Variants in GBP7 observed in about 807,000 individuals in gnomAD.
GBP7 encodes guanylate binding protein 7, also known as guanylate-binding protein 7.
GBP7 carries 43 observed loss-of-function variants against 61.3 expected under a neutral mutation model. The ratio of observed to expected loss-of-function variants is 0.70; its 90% CI spans 0.55 to 0.91. GBP7 has a LOEUF of 0.91. Ranked by LOEUF, GBP7 falls within the 40% of genes least tolerant of loss-of-function variation. GBP7 has a pLI of 0.00. For synonymous variants in GBP7, 267 were observed against 271.0 expected (o/e 0.99, Z 0.14); for missense variants, 717 against 740.5 (o/e 0.97, Z 0.37).
At chr1:89,158,616 T>C (rs1269139246) in intron 3 of GBP7, among the ~76,000 whole-genome samples, 1 of 150,886 alleles carries the variant, frequency 6.6e-6, no homozygotes, top group Non-Finnish European at 1.5e-5. Context: ...CACAATTGCT[T>C]CAAAGAGAAT....
chr1:89,172,057 C>A (rs986941215), intron 1 of GBP7, 103 bp from the exon 2 acceptor site: 2 of 818,086 alleles, frequency 2.4e-6, no homozygotes, highest in East Asian at 5.2e-5. Flanking sequence ...AACATTGTTT[C>A]TTGTGCATTT....
At chr1:89,155,734 G>A (rs182668766) in intron 3 of GBP7, among the ~76,000 whole-genome samples, 23 of 152,312 alleles carry the variant, frequency 1.5e-4, no homozygotes, top group African/African-American at 5.5e-4. Context: ...TGTCTGACTG[G>A]TGTACCTGAA....
chr1:89,157,115 A>G (rs1682335539), intron 3 of GBP7, among the ~76,000 whole-genome samples: 1 of 152,248 alleles, frequency 6.6e-6, no homozygotes, highest in Non-Finnish European at 1.5e-5. Context: ...CTGGGTACAT[A>G]ACATAATGAA....
chr1:89,168,974 T>TAAAAAAA (rs374172595), intron 2 of GBP7, among the ~76,000 whole-genome samples: 1 of 68,396 alleles, frequency 1.5e-5, no homozygotes, highest in Admixed American at 1.3e-4. Flanking sequence ...CGCCTCAAGT[T>TAAAAAAA]AAAAAAAAAA....
At chr1:89,163,318 G>C (rs949219949) in intron 3 of GBP7, among the ~76,000 whole-genome samples, 4 of 152,014 alleles carry the variant, frequency 2.6e-5, no homozygotes, top group Middle Eastern at 3.4e-3. Context: ...CAATTTTTTG[G>C]AATATTTTCA....
At chr1:89,170,555 C>T (rs1184019145) in intron 2 of GBP7, among the ~76,000 whole-genome samples, 1 of 152,130 alleles carries the variant, frequency 6.6e-6, no homozygotes, top group Non-Finnish European at 1.5e-5. Flanking sequence ...ACCAAACCAA[C>T]CAAATCAAGT....
rs1682097454 is a variant in GBP7, at chr1:89,147,572, C to G, written c.1360G>C (p.Val454Leu). 1.2e-6 allele frequency: 2 copies of G among 1,612,844 alleles called. No individual in the cohort carries two copies. The highest frequency in any genetic ancestry group is 2.7e-5 in the African/African-American group (2 of 74,908). The change falls in exon 8 of 11, where the codon GTT (valine) becomes CTT (leucine). Residue 454 changes from valine (V) to leucine (L), a missense_variant. Val to Leu is a conservative substitution (Grantham distance 32). Coordinates refer to ENST00000294671, the MANE Select transcript of GBP7 (RefSeq NM_207398.3). ...QDYTLVPRKG[V>L]KADEVLQSFL... ...CTTCTCCCCTTATTCCTCACCTTAA[C>G]TCCTTTTCTGGGCACTAGTGTATAG...
intron 3 of GBP7, among the ~76,000 whole-genome samples, chr1:89,153,104 G>T (rs935457178): frequency 9.2e-5 from 14 of 152,174 alleles, no homozygotes; most frequent in Non-Finnish European, 7.3e-5. Context: ...GAGCATCTTG[G>T]TATGAAGTCT....
At chr1:89,135,884 A>G (rs1681789270) in intron 9 of GBP7, among the ~76,000 whole-genome samples, 2 of 152,314 alleles carry the variant, frequency 1.3e-5, no homozygotes, top group South Asian at 4.1e-4. Context: ...GCATAAAGAA[A>G]TAAGACCCAA....
At chr1:89,146,549 A>T (rs1682068203) in intron 8 of GBP7, among the ~76,000 whole-genome samples, 1 of 152,214 alleles carries the variant, frequency 6.6e-6, no homozygotes, top group Non-Finnish European at 1.5e-5. Flanking sequence ...AATATCCAAA[A>T]TATATAATGA....
chr1:89,149,857 A>G (rs1035706877), intron 6 of GBP7, among the ~76,000 whole-genome samples: 1 of 131,316 alleles, frequency 7.6e-6, no homozygotes. Context: ...GGGTTTCTTG[A>G]AAAAAAAAAA....
chr1:89,132,032 G>T lies in GBP7; in HGVS notation c.*117C>A, dbSNP rs1681688562. On this transcript the variant is annotated 3_prime_UTR_variant, in exon 11 of 11. Transcript: ENST00000294671. ...TTAAGTTTGTTTTTATGAACTTCAGGCCATAATATTCTTTGAAATTTGCTT... is the reference window on the plus strand; with the variant it reads ...TTAAGTTTGTTTTTATGAACTTCAGTCCATAATATTCTTTGAAATTTGCTT... The T allele has an allele frequency of 1.4e-5, 10 of 706,464 alleles. No homozygotes were observed. The highest frequency in any genetic ancestry group is 1.1e-4 in the South Asian group (4 of 36,938). 43.8% of individuals were successfully genotyped at this position (706,464 alleles called of 1,614,324 possible).
At chr1:89,165,287 G>A (rs1647393572) in intron 2 of GBP7, among the ~76,000 whole-genome samples, 2 of 152,078 alleles carry the variant, frequency 1.3e-5, no homozygotes, top group African/African-American at 4.8e-5. Flanking sequence ...GAATCACAAA[G>A]TCAGAAGATA....
intron 3 of GBP7, among the ~76,000 whole-genome samples, chr1:89,154,051 G>A (rs1008583528): frequency 2.6e-5 from 4 of 152,196 alleles, no homozygotes; most frequent in Non-Finnish European, 5.9e-5. Context: ...TTCAGGGCAA[G>A]ACATGAAGGT....
intron 9 of GBP7, among the ~76,000 whole-genome samples, chr1:89,135,014 G>A (rs996554460): frequency 3.3e-5 from 5 of 152,138 alleles, no homozygotes; most frequent in African/African-American, 1.2e-4. Flanking sequence ...AAACTGATTT[G>A]ATAGAGCTGA....
rs188633771 is a variant in GBP7, at chr1:89,145,238, A to C, written c.1365+2329T>G. On this transcript the variant is annotated intron_variant, in intron 8 of 10. Transcript: ENST00000294671. ...AGTGCTGGGATTAGAGGTGTGAGCC[A>C]CTGTGCCTAGCTGACTTTCGCTCTT... Among the ~76,000 whole-genome samples, 12 of 152,264 alleles carry C rather than the reference A, an allele frequency of 7.9e-5. No homozygotes were observed. In the East Asian group the frequency reaches 2.3e-3, roughly 29 times the overall value.
intron 2 of GBP7, among the ~76,000 whole-genome samples, chr1:89,170,023 T>C (rs1647555310): frequency 6.6e-6 from 1 of 152,230 alleles, no homozygotes; most frequent in Admixed American, 6.5e-5. Context: ...CTTTCTTCCA[T>C]GTAGTGAATC....
rs181105073 is a variant in GBP7, at chr1:89,160,498, C to T, written c.318+4233G>A. Among the ~76,000 whole-genome samples, 10 of 152,216 alleles carry T rather than the reference C, an allele frequency of 6.6e-5. No individual in the cohort carries two copies. The South Asian group carries it at 1.0e-3, about 16-fold the overall frequency. On this transcript the variant is annotated intron_variant, in intron 3 of 10. Coordinates refer to ENST00000294671, the MANE Select transcript of GBP7 (RefSeq NM_207398.3). The stretch of plus-strand genomic sequence containing the variant: ...GCTTGACTGCTGGTAGCTGTGTGAC[C>T]GTGGGCAAGTTTCTTGACCTCTCTC...
intron 8 of GBP7, among the ~76,000 whole-genome samples, chr1:89,145,985 T>C (rs1682052811): frequency 6.6e-6 from 1 of 152,158 alleles, no homozygotes; most frequent in South Asian, 2.1e-4. Context: ...AAAATTCATA[T>C]GGAACCATAA....
Sources: gnomAD v4.1 joint callset for allele counts (sites outside exome capture counted in the v4.1 genomes callset) on GRCh38, gnomAD v4.1.1 for gene constraint, MANE v1.5 for transcripts, NCBI Gene and HGNC (gene_info 2026-07-23, HGNC 2026-07-21) for gene names.